The following FGF13 variants were observed in gnomAD, a reference collection of about 807,000 sequenced individuals.
The protein encoded by FGF13 is fibroblast growth factor 13.
In FGF13, 2 loss-of-function variants were observed where a neutral mutation model predicts 19.5. The ratio of observed to expected loss-of-function variants is 0.10; its 90% CI spans 0.04 to 0.32. The LOEUF is 0.32. Ranked by LOEUF, FGF13 falls within the 10% of genes least tolerant of loss-of-function variation. The pLI is 1.00. For missense variants in FGF13, 113 were observed against 192.7 expected (o/e 0.59, Z 2.45); for synonymous variants, 72 against 76.9 (o/e 0.94, Z 0.33).
At chrX:139,059,472 A>C (rs943434413) in intron 1 of FGF13, among the ~76,000 whole-genome samples, 15 of 110,477 alleles carry the variant, frequency 1.4e-4, no homozygotes, top group African/African-American at 4.6e-4. Context: ...TAAGTAAAAA[A>C]GGCCAGGAGG....
intron 3 of FGF13, among the ~76,000 whole-genome samples, chrX:138,839,836 T>G (rs2124106181): frequency 8.9e-6 from 1 of 112,184 alleles, no homozygotes; most frequent in Admixed American, 9.4e-5. Context: ...AACTTATAGT[T>G]CAAAATTCAA....
At chrX:138,745,096 C>A (rs1337203466) in intron 3 of FGF13, among the ~76,000 whole-genome samples, 3 of 112,045 alleles carry the variant, frequency 2.7e-5, no homozygotes, top group Admixed American at 9.5e-5. Flanking sequence ...TTAAAAGCAG[C>A]ATAGTGCATG....
chrX:138,860,298 T>TC (rs1164217125), intron 2 of FGF13, among the ~76,000 whole-genome samples: 1 of 111,145 alleles, frequency 9.0e-6, no homozygotes, highest in African/African-American at 3.3e-5. Context: ...AAAGATGACT[T>TC]CCCACAGGAC....
intron 1 of FGF13, among the ~76,000 whole-genome samples, chrX:139,122,962 G>A (rs1249947851): frequency 9.0e-6 from 1 of 111,412 alleles, no homozygotes; most frequent in Non-Finnish European, 1.9e-5. Context: ...TAGCAACATC[G>A]CTGACCTACA....
chrX:139,077,923 C>T (rs1354332270), intron 1 of FGF13, among the ~76,000 whole-genome samples: 4 of 111,553 alleles, frequency 3.6e-5, no homozygotes, highest in Non-Finnish European at 7.5e-5. Context: ...CCCAAGGGCA[C>T]ACGACTAGCA....
intron 1 of FGF13, among the ~76,000 whole-genome samples, chrX:139,034,167 G>A (rs1392407009): frequency 8.9e-6 from 1 of 111,784 alleles, no homozygotes; most frequent in Non-Finnish European, 1.9e-5. Flanking sequence ...GCTAGGTGCT[G>A]GAAATACAGT....
At chrX:138,929,854 CTGTGTGTGTGTGTGTGTGTGTGTG>C (rs577806507) in intron 1 of FGF13, among the ~76,000 whole-genome samples, 1 of 96,273 alleles carries the variant, frequency 1.0e-5, no homozygotes, top group Non-Finnish European at 2.1e-5. Context: ...ACTGCCTTAG[CTGTGTGTGTGTGTGTGTGTGTGTG>C]TGTGTGTGTG....
At position 138,655,300 on chromosome X, in the gene FGF13, C is replaced by T. The variant is rs1203468378; in HGVS notation, c.403-19645G>A. ...TTCAATATCTGTTTCTCCCATTTAACGATAAGCTCAGATAAGGCAGAGGAA... is the reference window on the plus strand; with the variant it reads ...TTCAATATCTGTTTCTCCCATTTAATGATAAGCTCAGATAAGGCAGAGGAA... On this transcript the variant is annotated intron_variant, in intron 3 of 4. Coordinates refer to ENST00000315930, the MANE Select transcript of FGF13 (RefSeq NM_004114.5). Among the ~76,000 whole-genome samples, 24 of 111,552 alleles carry T rather than the reference C, an allele frequency of 2.2e-4. No individual in the cohort carries two copies. In the Admixed American group the frequency reaches 2.2e-3, roughly 10 times the overall value.
intron 3 of FGF13, among the ~76,000 whole-genome samples, chrX:138,829,377 G>T (rs1475188640): frequency 9.0e-6 from 1 of 110,818 alleles, no homozygotes; most frequent in Non-Finnish European, 1.9e-5. Flanking sequence ...AGAGCTGGTT[G>T]TTATAAATAG....
chrX:138,862,888 T>A (rs1297417115), intron 2 of FGF13, among the ~76,000 whole-genome samples: 1 of 111,784 alleles, frequency 8.9e-6, no homozygotes, highest in Non-Finnish European at 1.9e-5. Context: ...TCTTCATCCA[T>A]CCTATGTTTC....
At chrX:138,777,021 T>C (rs1364539121) in intron 3 of FGF13, among the ~76,000 whole-genome samples, 7 of 111,788 alleles carry the variant, frequency 6.3e-5, no homozygotes. Flanking sequence ...AATAGCACAG[T>C]AGCAGGGTGT....
chrX:139,075,285 C>A (rs971776497), intron 1 of FGF13, among the ~76,000 whole-genome samples: 6 of 111,685 alleles, frequency 5.4e-5, no homozygotes, highest in African/African-American at 2.0e-4. Context: ...CTTGTCTGGC[C>A]AGTGGTCTCC....
rs1195191657 is a variant in FGF13 at position 138,626,897 on chromosome X, A to C, written c.*5953T>G. ...ATTCAGCTGTTTTACATTAAGAAGA[A>C]AACTATAGTATAGCCAGACTTGGAG... On this transcript the variant is annotated 3_prime_UTR_variant, in exon 5 of 5. Coordinates refer to ENST00000315930, the MANE Select transcript of FGF13 (RefSeq NM_004114.5). 1 of 112,248 alleles carries C rather than the reference A, an allele frequency of 8.9e-6. No homozygotes were observed. The highest frequency in any genetic ancestry group is 1.9e-5 in the Non-Finnish European group (1 of 53,287). 9.3% of individuals were successfully genotyped at this position (112,248 alleles called of 1,213,427 possible). A position where few individuals can be genotyped will look rare whatever the true frequency, so the allele number is the denominator to read the frequency against.
At chrX:138,784,613 G>T (rs1281244827) in intron 3 of FGF13, among the ~76,000 whole-genome samples, 1 of 110,227 alleles carries the variant, frequency 9.1e-6, no homozygotes, top group Non-Finnish European at 1.9e-5. Flanking sequence ...TTCTCTATTA[G>T]CCTACTTCTT....
At chrX:138,929,074 A>T (rs766602950) in intron 1 of FGF13, among the ~76,000 whole-genome samples, 1 of 112,110 alleles carries the variant, frequency 8.9e-6, no homozygotes, top group Non-Finnish European at 1.9e-5. Context: ...CCAAATAGGC[A>T]TCACTGATTG....
intron 1 of FGF13, among the ~76,000 whole-genome samples, chrX:138,927,749 G>A (rs926215515): frequency 8.9e-6 from 1 of 111,743 alleles, no homozygotes; most frequent in African/African-American, 3.3e-5. Context: ...CACCTACCAA[G>A]CTGATATAAA....
At chrX:139,103,213 G>A (rs1286776343) in intron 1 of FGF13, among the ~76,000 whole-genome samples, 1 of 112,323 alleles carries the variant, frequency 8.9e-6, no homozygotes, top group African/African-American at 3.2e-5. Context: ...ATCTGAGAGT[G>A]CTGTGCAGAA....
At chrX:139,101,994 C>A (rs2083518383) in intron 1 of FGF13, among the ~76,000 whole-genome samples, 1 of 111,975 alleles carries the variant, frequency 8.9e-6, no homozygotes, top group African/African-American at 3.2e-5. Context: ...TAAGGTCTAG[C>A]ACCAGCCTTC....
At chrX:138,744,275 A>G (rs1482613060), upstream of FGF13, among the ~76,000 whole-genome samples, 1 of 111,317 alleles carries the variant, frequency 9.0e-6, no homozygotes, top group African/African-American at 3.3e-5. Flanking sequence ...GAACTATACT[A>G]ACCCACAGTG....
Sources: allele counts gnomAD v4.1 joint callset (sites outside exome capture counted in the v4.1 genomes callset), GRCh38; gene constraint gnomAD v4.1.1; transcripts MANE v1.5; gene names NCBI Gene and HGNC (gene_info 2026-07-23, HGNC 2026-07-21).